The following CLEC4A variants were observed in gnomAD, a reference collection of about 807,000 sequenced individuals.
CLEC4A encodes the protein C-type lectin domain family 4 member A.
CLEC4A carries 27 observed loss-of-function variants against 32.7 expected under a neutral mutation model. That is an observed-to-expected ratio of 0.83 (90% CI 0.61 to 1.14). The LOEUF is 1.14. CLEC4A is among the 50% of genes most tolerant of loss of function. The pLI is 0.00. For synonymous variants in CLEC4A, 89 were observed against 93.7 expected, an observed-to-expected ratio of 0.95 and a Z score of 0.29; for missense variants, 253 against 274.6, an observed-to-expected ratio of 0.92 and a Z score of 0.55.
At chr12:8,123,111 T>TG (rs1270308516), upstream of CLEC4A, among the ~76,000 whole-genome samples, 7 of 152,202 alleles carry the variant, frequency 4.6e-5, no homozygotes, top group East Asian at 1.3e-3. Flanking sequence ...GGAGGTGATG[T>TG]GGCGATTAAA....
At position 8,138,232 on chromosome 12, in the gene CLEC4A, T is replaced by C. The variant is rs1948160903; in HGVS notation, c.659T>C (p.Val220Ala). Residue 220 changes from valine to alanine, a missense_variant, in exon 6 of 6, where the codon GTT (valine) becomes GCT (alanine). Physicochemically the swap from Val to Ala is moderately conservative, Grantham distance 64. Transcript: ENST00000229332. Reference protein sequence around the residue: ...KSPKRWGWNDVNCLGPQRSVC... With the variant: ...KSPKRWGWNDANCLGPQRSVC... ...CCCAAAAGATGGGGCTGGAATGATG[T>C]TAATTGTCTTGGTCCTCAAAGGTCA... The C allele has an allele frequency of 6.2e-7, 1 of 1,614,196 alleles. No homozygotes were observed.
At chr12:8,133,932 C>T in intron 3 of CLEC4A, 12 of 1,605,430 alleles carry the variant, frequency 7.5e-6, no homozygotes, top group Non-Finnish European at 9.4e-6. Flanking sequence ...GACACTGGTC[C>T]CCCTGAGAAA....
rs1298378298 is a variant in CLEC4A at position 8,134,817 on chromosome 12, G to T, written c.299-768G>T. On this transcript the variant is annotated intron_variant, in intron 3 of 5. Coordinates refer to ENST00000229332, the MANE Select transcript of CLEC4A (RefSeq NM_016184.4). ...ATCACCTCCACCGCCTGGAGGGGGT[G>T]AGAAGGCGAAATCCGAAGCCAGGTG... The T allele has an allele frequency of 6.4e-6, 10 of 1,551,160 alleles. 1 individual carries two copies. The highest frequency in any genetic ancestry group is 7.0e-6 in the Non-Finnish European group (8 of 1,147,140).
At chr12:8,127,706 C>T (rs115155675) in intron 2 of CLEC4A, among the ~76,000 whole-genome samples, 3,188 of 151,552 alleles carry the variant, frequency 0.021, 114 homozygotes, top group African/African-American at 0.074. Context: ...CTAGTGTTAG[C>T]GAAAAAAGAG....
At chr12:8,134,706 G>A (rs1461643951) in intron 3 of CLEC4A, 5 of 1,571,258 alleles carry the variant, frequency 3.2e-6, no homozygotes, top group Non-Finnish European at 2.6e-6. Context: ...CCCAAACCCC[G>A]GCCCGATTCC....
At chr12:8,109,174 C>T in the CLEC4A span, among the ~76,000 whole-genome samples, 1 of 152,144 alleles carries the variant, frequency 6.6e-6, no homozygotes, top group Non-Finnish European at 1.5e-5. Context: ...GGCATTTAGT[C>T]TGGTCTAAGC....
chr12:8,135,536 T>G lies in CLEC4A; in HGVS notation c.299-49T>G, dbSNP rs182183910. The G allele has an allele frequency of 3.0e-3, 4,792 of 1,592,664 alleles. 12 individuals carry two copies. Among genetic ancestry groups the G allele is most frequent in the Non-Finnish European group, 3.8e-3 (4,437 of 1,164,824 alleles). On this transcript the variant is annotated intron_variant, in intron 3 of 5. Coordinates refer to ENST00000229332, the MANE Select transcript of CLEC4A (RefSeq NM_016184.4). The stretch of plus-strand genomic sequence containing the variant: ...TTAATTTTAATAATACACACACTTT[T>G]AAGAGTGATTATTTATATTGCACGT...
upstream of CLEC4A, among the ~76,000 whole-genome samples, chr12:8,122,623 T>C (rs924119561): frequency 2.0e-5 from 3 of 151,618 alleles, no homozygotes; most frequent in African/African-American, 7.3e-5. Context: ...ATCCAGGAGA[T>C]TGATCAAATA....
chr12:8,135,254 G>C (rs11043505), intron 3 of CLEC4A, among the ~76,000 whole-genome samples: 129,028 of 151,144 alleles, frequency 0.85, 55,739 homozygotes, highest in East Asian at 0.96. Context: ...AAACTTACTG[G>C]TTCTTAGCAT....
upstream of CLEC4A, among the ~76,000 whole-genome samples, chr12:8,119,298 C>T (rs1947813070): frequency 6.6e-6 from 1 of 152,228 alleles, no homozygotes; most frequent in South Asian, 2.1e-4. Flanking sequence ...GATCTCAGTT[C>T]ACTGCAACTT....
the CLEC4A span, among the ~76,000 whole-genome samples, chr12:8,109,005 A>T: frequency 1.3e-5 from 2 of 152,224 alleles, no homozygotes; most frequent in African/African-American, 2.4e-5. Flanking sequence ...ACTAGAGGGC[A>T]TGCTCCTCCT....
chr12:8,103,373 G>GGTT, the CLEC4A span, among the ~76,000 whole-genome samples: 2 of 78,036 alleles, frequency 2.6e-5, no homozygotes, highest in African/African-American at 1.1e-4. Context: ...GTTTCTTTCT[G>GGTT]TTGTTTTTTT....
rs1171330539 is a variant in CLEC4A at position 8,138,171 on chromosome 12, A to G, written c.598A>G (p.Asn200Asp). 3 of 1,613,964 alleles carry G rather than the reference A, an allele frequency of 1.9e-6. No homozygotes were observed. The highest frequency in any genetic ancestry group is 2.5e-6 in the Non-Finnish European group (3 of 1,179,996). ...GCATCCACGTGAGCCCAGTGATCCC[A>G]ATGAGCGCTGCGTTGTGCTAAATTT... ...FWHPREPSDP[N>D]ERCVVLNFRK... Residue 200 changes from asparagine (N) to aspartate (D), a missense_variant, in exon 6 of 6, where the codon AAT (asparagine) becomes GAT (aspartate). Physicochemically the swap from Asn to Asp is conservative, Grantham distance 23 (BLOSUM62 1). Transcript: ENST00000229332.
chr12:8,124,234 G>A (rs111547887), intron 1 of CLEC4A, among the ~76,000 whole-genome samples: 28 of 152,304 alleles, frequency 1.8e-4, no homozygotes, highest in African/African-American at 6.7e-4. Flanking sequence ...CTGAGCTAAG[G>A]CGAGTGCTCT....
At chr12:8,114,061 G>T in the CLEC4A span, among the ~76,000 whole-genome samples, 1 of 152,146 alleles carries the variant, frequency 6.6e-6, no homozygotes, top group Non-Finnish European at 1.5e-5. Flanking sequence ...CTGAGGCAAG[G>T]TGTTATCAGG....
the CLEC4A span, among the ~76,000 whole-genome samples, chr12:8,114,240 TC>T: frequency 2.6e-5 from 4 of 152,124 alleles, no homozygotes; most frequent in African/African-American, 9.7e-5. Flanking sequence ...TTTGAGCAAT[TC>T]CTTTATTTCT....
At chr12:8,120,156 G>A (rs189678878), upstream of CLEC4A, among the ~76,000 whole-genome samples, 22 of 152,252 alleles carry the variant, frequency 1.4e-4, no homozygotes, top group East Asian at 4.2e-3. Context: ...AGTTTTTACT[G>A]GGGTCCATTA....
chr12:8,134,338 C>A (rs749882743), intron 3 of CLEC4A: 1 of 1,611,842 alleles, frequency 6.2e-7, no homozygotes, highest in Admixed American at 1.7e-5. Context: ...CAAATAGAAC[C>A]CCCAGGGTGA....
chr12:8,118,395 TA>T, the CLEC4A span, among the ~76,000 whole-genome samples: 608 of 147,284 alleles, frequency 4.1e-3, 5 homozygotes, highest in African/African-American at 0.01. Context: ...TGCACTGCTA[TA>T]AAAAAAAAAA....
Sources: allele counts gnomAD v4.1 joint callset (sites outside exome capture counted in the v4.1 genomes callset), GRCh38; gene constraint gnomAD v4.1.1; transcripts MANE v1.5; gene names NCBI Gene and HGNC (gene_info 2026-07-23, HGNC 2026-07-21).